EPAS1: variants seen among roughly 807,000 people sequenced by gnomAD.
EPAS1 encodes the protein endothelial PAS domain-containing protein 1.
Under a neutral mutation model 87.9 loss-of-function variants are expected in EPAS1, and 23 were observed. The ratio of observed to expected loss-of-function variants is 0.26; its 90% CI spans 0.19 to 0.37. The LOEUF is 0.37. EPAS1 is among the 10% of genes least tolerant of loss of function. EPAS1 has a pLI of 1.00. For missense variants in EPAS1, 1,138 were observed against 1,120.7 expected, an observed-to-expected ratio of 1.02 and a Z score of -0.22; for synonymous variants, 508 against 444.3, an observed-to-expected ratio of 1.14 and a Z score of -1.80.
chr2:46,379,191 T>A (rs973750844), intron 11 of EPAS1, among the ~76,000 whole-genome samples: 2 of 152,208 alleles, frequency 1.3e-5, no homozygotes, highest in African/African-American at 4.8e-5. Context: ...TTAAAATAAA[T>A]AACATCTGTT....
intron 1 of EPAS1, among the ~76,000 whole-genome samples, chr2:46,306,551 C>T (rs1158345682): frequency 6.6e-6 from 1 of 152,194 alleles, no homozygotes; most frequent in Non-Finnish European, 1.5e-5. Flanking sequence ...CAAATATTTA[C>T]AGGCCTCCTT....
chr2:46,312,703 G>A (rs1683238425), intron 1 of EPAS1, among the ~76,000 whole-genome samples: 1 of 152,116 alleles, frequency 6.6e-6, no homozygotes, highest in African/African-American at 2.4e-5. Flanking sequence ...AGAATTATTA[G>A]TTTTTACTAA....
chr2:46,309,829 A>C (rs894913151), intron 1 of EPAS1, among the ~76,000 whole-genome samples: 2 of 152,064 alleles, frequency 1.3e-5, no homozygotes, highest in African/African-American at 4.8e-5. Flanking sequence ...TTGTGATGGA[A>C]TCTTTGGGTT....
At chr2:46,327,311 G>A (rs1683582859) in intron 1 of EPAS1, among the ~76,000 whole-genome samples, 1 of 152,178 alleles carries the variant, frequency 6.6e-6, no homozygotes, top group Non-Finnish European at 1.5e-5. Flanking sequence ...ATCTAAGTGA[G>A]GAGAGGACAT....
At chr2:46,309,995 C>G (rs1277670808) in intron 1 of EPAS1, among the ~76,000 whole-genome samples, 1 of 152,220 alleles carries the variant, frequency 6.6e-6, no homozygotes, top group Non-Finnish European at 1.5e-5. Flanking sequence ...ATAATATTGA[C>G]CTCAAAGCCT....
chr2:46,366,675 T>G (rs1448289577), intron 6 of EPAS1, among the ~76,000 whole-genome samples: 1 of 152,222 alleles, frequency 6.6e-6, no homozygotes, highest in Non-Finnish European at 1.5e-5. Flanking sequence ...GACCTCAAAC[T>G]GATTTTCTTT....
chr2:46,369,200 A>G (rs1684569788), intron 6 of EPAS1, among the ~76,000 whole-genome samples: 1 of 152,106 alleles, frequency 6.6e-6, no homozygotes, highest in Non-Finnish European at 1.5e-5. Flanking sequence ...CACAAGTAGA[A>G]AGTGTCCGAG....
chr2:46,297,775 G>T lies in EPAS1; in HGVS notation c.-137G>T. On this transcript the variant is annotated 5_prime_UTR_variant, in exon 1 of 16. Coordinates refer to ENST00000263734, the MANE Select transcript of EPAS1 (RefSeq NM_001430.5). ...GCGCCACCTTCCACCTGACTGCGCG[G>T]GGCGCTCGGGACCTGCGCGCACCTC... 2 of 1,221,862 alleles carry T rather than the reference G, an allele frequency of 1.6e-6. No individual in the cohort carries two copies. Among genetic ancestry groups the T allele is most frequent in the Admixed American group, 2.1e-5 (1 of 48,068 alleles). 75.7% of individuals were successfully genotyped at this position (1,221,862 alleles called of 1,614,324 possible).
intron 6 of EPAS1, among the ~76,000 whole-genome samples, chr2:46,367,948 A>G (rs1684537547): frequency 6.6e-6 from 1 of 152,132 alleles, no homozygotes; most frequent in Non-Finnish European, 1.5e-5. Flanking sequence ...GAGACAGTTA[A>G]TCATATTATT....
intron 2 of EPAS1, 28 bp from the exon 3 acceptor site, chr2:46,356,123 A>ACGGTGGGGGGGGGGG: frequency 1.4e-6 from 2 of 1,429,230 alleles, no homozygotes; most frequent in Non-Finnish European, 1.9e-6. Context: ...ACATTCATGC[A>ACGGTGGGGGGGGGGG]AGCTGTCCCA....
chr2:46,303,578 T>C (rs185434560), intron 1 of EPAS1, among the ~76,000 whole-genome samples: 7 of 152,208 alleles, frequency 4.6e-5, no homozygotes, highest in East Asian at 3.9e-4. Context: ...CAGCTATGAC[T>C]CCAGGAAGGC....
At position 46,380,099 on chromosome 2, in the gene EPAS1, G is replaced by C. The variant is rs76235608; in HGVS notation, c.1555-128G>C. ...TTTCCTGATAGGCCCTCGGGAGCCA[G>C]TGGAGGCGTTTGAGCAGCACTGTGA... On this transcript the variant is annotated intron_variant, in intron 11 of 15. Coordinates refer to ENST00000263734, the MANE Select transcript of EPAS1 (RefSeq NM_001430.5). The surrounding 1 kb of genome is among the most constrained non-coding windows in gnomAD (Gnocchi z 4.4). The C allele has an allele frequency of 1.4e-3, 2,035 of 1,497,846 alleles. 24 individuals are homozygous for C. The African/African-American group carries it at 0.025, about 19-fold the overall frequency. The allele number at this position is 1,497,846 out of a possible 1,614,324, so 92.8% of individuals were successfully genotyped here.
At chr2:46,372,777 C>T (rs1684653233) in intron 7 of EPAS1, among the ~76,000 whole-genome samples, 1 of 152,244 alleles carries the variant, frequency 6.6e-6, no homozygotes, top group South Asian at 2.1e-4. Flanking sequence ...AAAACCTTTG[C>T]TTGCTGCACT....
intron 1 of EPAS1, among the ~76,000 whole-genome samples, chr2:46,311,646 C>T (rs1683213253): frequency 6.6e-6 from 1 of 152,246 alleles, no homozygotes; most frequent in Non-Finnish European, 1.5e-5. Flanking sequence ...AACCTGTGAA[C>T]ATATCCACGT....
At chr2:46,337,927 G>C (rs905413926) in intron 1 of EPAS1, among the ~76,000 whole-genome samples, 1 of 152,136 alleles carries the variant, frequency 6.6e-6, no homozygotes, top group African/African-American at 2.4e-5. Context: ...TGGTGTGCCA[G>C]CTGAGGGGCT....
chr2:46,306,638 C>G (rs1683112969), intron 1 of EPAS1, among the ~76,000 whole-genome samples: 1 of 152,198 alleles, frequency 6.6e-6, no homozygotes, highest in East Asian at 1.9e-4. Flanking sequence ...ACGTCACACA[C>G]AGTTGCAGGA....
intron 7 of EPAS1, among the ~76,000 whole-genome samples, chr2:46,373,430 G>T (rs958501687): frequency 2.6e-5 from 4 of 152,118 alleles, no homozygotes; most frequent in African/African-American, 9.7e-5. Flanking sequence ...TCCATGCAAC[G>T]GAATACAACT....
At chr2:46,305,716 A>AT in intron 1 of EPAS1, among the ~76,000 whole-genome samples, 1 of 12,036 alleles carries the variant, frequency 8.3e-5, no homozygotes, top group Admixed American at 8.9e-4. Context: ...TTCTTGAACT[A>AT]TCCCCCCATC....
chr2:46,319,898 A>C (rs958129619), intron 1 of EPAS1, among the ~76,000 whole-genome samples: 1 of 152,350 alleles, frequency 6.6e-6, no homozygotes, highest in Middle Eastern at 3.4e-3. Context: ...GTGGGAAAGC[A>C]TGATAATGCC....
Sources: gnomAD v4.1 joint callset for allele counts (sites outside exome capture counted in the v4.1 genomes callset) on GRCh38, gnomAD v4.1.1 for gene constraint, Gnocchi (gnomAD v3.1) non-coding constraint, MANE v1.5 for transcripts, NCBI Gene and HGNC (gene_info 2026-07-23, HGNC 2026-07-21) for gene names.